The following BLTP1 variants were observed in gnomAD, a reference collection of about 807,000 sequenced individuals.
BLTP1 encodes bridge-like lipid transfer protein family member 1, also known as fragile site-associated protein.
chr4:122,247,710 G>C, the BLTP1 span: 2 of 1,035,484 alleles, frequency 1.9e-6, no homozygotes, highest in South Asian at 7.2e-5. Flanking sequence ...AAGTCATTCT[G>C]TTTGTAAAAC....
the BLTP1 span, chr4:122,347,587 A>G: frequency 2.5e-6 from 4 of 1,613,876 alleles, no homozygotes; most frequent in South Asian, 3.3e-5. Flanking sequence ...TGAATCATCA[A>G]GAAAAGCTTA....
the BLTP1 span, among the ~76,000 whole-genome samples, chr4:122,330,713 T>C: frequency 6.6e-6 from 1 of 151,938 alleles, no homozygotes; most frequent in African/African-American, 2.4e-5. Flanking sequence ...CTTTTTTAGT[T>C]TGATGTTGTC....
the BLTP1 span, chr4:122,162,439 T>C: frequency 9.5e-6 from 7 of 740,320 alleles, no homozygotes; most frequent in Admixed American, 6.3e-5. Context: ...GATTAACCAG[T>C]GCACTGAGCT....
the BLTP1 span, chr4:122,251,661 TG>T: frequency 2.1e-6 from 2 of 949,466 alleles, no homozygotes; most frequent in Non-Finnish European, 2.5e-6. Flanking sequence ...GCATCTTTCT[TG>T]ATCTCTCAGA....
the BLTP1 span, chr4:122,240,422 T>A: frequency 1.5e-6 from 2 of 1,311,706 alleles, no homozygotes; most frequent in African/African-American, 3.0e-5. Flanking sequence ...GAAGTTATTT[T>A]CATAATTACT....
chr4:122,234,641 G>C, the BLTP1 span: 8 of 1,023,188 alleles, frequency 7.8e-6, no homozygotes, highest in Admixed American at 8.9e-5. Context: ...ATAAACCTTT[G>C]TGTTTGTGTT....
chr4:122,333,734 A>G, the BLTP1 span: 2 of 1,612,296 alleles, frequency 1.2e-6, no homozygotes, highest in Non-Finnish European at 1.7e-6. Flanking sequence ...CCGGCAAGAA[A>G]GTGCCATCAT....
the BLTP1 span, among the ~76,000 whole-genome samples, chr4:122,171,217 A>C: frequency 0.028 from 4,312 of 152,254 alleles, 139 homozygotes; most frequent in African/African-American, 0.08. Flanking sequence ...TTTTGGTATA[A>C]TCTAGAAGTT....
At chr4:122,336,732 G>A in the BLTP1 span, 1 of 1,283,100 alleles carries the variant, frequency 7.8e-7, no homozygotes, top group East Asian at 2.7e-5. Flanking sequence ...GGTGCGAACA[G>A]GGAAAAACGT....
At chr4:122,328,316 A>C in the BLTP1 span, 2 of 1,610,618 alleles carry the variant, frequency 1.2e-6, no homozygotes, top group African/African-American at 1.3e-5. Context: ...AAAAAGATGA[A>C]GACCATGAGA....
chr4:122,214,593 A>G, the BLTP1 span: 2 of 343,736 alleles, frequency 5.8e-6, no homozygotes, highest in Non-Finnish European at 7.0e-6. Context: ...TTTGGTAACT[A>G]TTTTTTTTTT....
chr4:122,177,918 T>C, the BLTP1 span: 1 of 154,756 alleles, frequency 6.5e-6, no homozygotes, highest in Non-Finnish European at 1.4e-5. Flanking sequence ...TACTTGCTTA[T>C]TAGTGGAATC....
the BLTP1 span, chr4:122,201,191 GTTTTAC>G: frequency 7.5e-3 from 9,661 of 1,295,908 alleles, 581 homozygotes; most frequent in African/African-American, 0.13. Flanking sequence ...CATTTGATAA[GTTTTAC>G]TTTTAAATTA....
chr4:122,210,999 A>C, the BLTP1 span: 4 of 1,612,510 alleles, frequency 2.5e-6, no homozygotes, highest in Non-Finnish European at 3.4e-6. Flanking sequence ...ATCCCTCAGA[A>C]CTTCCACCTG....
At chr4:122,300,075 G>A in the BLTP1 span, among the ~76,000 whole-genome samples, 5 of 151,906 alleles carry the variant, frequency 3.3e-5, no homozygotes, top group Non-Finnish European at 5.9e-5. Flanking sequence ...GTGCCATCTC[G>A]GCTCACTGCA....
the BLTP1 span, among the ~76,000 whole-genome samples, chr4:122,222,738 G>C: frequency 1.3e-5 from 2 of 151,938 alleles, no homozygotes; most frequent in Non-Finnish European, 2.9e-5. Flanking sequence ...AGTCATATTG[G>C]ATTAGGGCCC....
the BLTP1 span, chr4:122,209,093 GTAAGTATTAA>G: frequency 7.1e-7 from 1 of 1,399,826 alleles, no homozygotes; most frequent in Non-Finnish European, 9.2e-7. Flanking sequence ...AGGTTTGCCC[GTAAGTATTAA>G]CCAACATATT....
At chr4:122,156,793 G>A in the BLTP1 span, among the ~76,000 whole-genome samples, 1 of 152,278 alleles carries the variant, frequency 6.6e-6, no homozygotes, top group Non-Finnish European at 1.5e-5. Flanking sequence ...AAAATAATTG[G>A]TGAAGCAAAG....
At chr4:122,217,107 C>A in the BLTP1 span, among the ~76,000 whole-genome samples, 2 of 151,854 alleles carry the variant, frequency 1.3e-5, no homozygotes, top group Non-Finnish European at 2.9e-5. Context: ...ACCCACTTTT[C>A]GCACTTTATG....
Sources: allele counts gnomAD v4.1 joint callset (sites outside exome capture counted in the v4.1 genomes callset), GRCh38; gene constraint gnomAD v4.1.1; transcripts MANE v1.5; gene names NCBI Gene and HGNC (gene_info 2026-07-23, HGNC 2026-07-21).